The following PIEZO2 variants were observed in gnomAD, a reference collection of about 807,000 sequenced individuals.
The protein encoded by PIEZO2 is piezo type mechanosensitive ion channel component 2, also known as piezo-type mechanosensitive ion channel component 2.
PIEZO2 carries 172 observed loss-of-function variants against 337.3 expected under a neutral mutation model. The observed-to-expected ratio is 0.51, with a 90% CI of 0.45 to 0.58. The LOEUF (loss-of-function observed/expected upper bound fraction) is 0.58, where lower values mean the gene tolerates loss of function less well. Among genes scored for constraint, PIEZO2 ranks in the 20% least tolerant of loss-of-function variants. The pLI, the probability that PIEZO2 is intolerant of heterozygous loss-of-function variation, is 0.00. For synonymous variants in PIEZO2, 1,251 were observed against 1,228.5 expected (o/e 1.02, Z -0.38); for missense variants, 3,028 against 3,391.3 (o/e 0.89, Z 2.66).
chr18:11,095,191 A>AT (rs1230260244), intron 1 of PIEZO2, among the ~76,000 whole-genome samples: 2 of 152,360 alleles, frequency 1.3e-5, no homozygotes, highest in East Asian at 3.9e-4. Flanking sequence ...GACCATTCTT[A>AT]TTCCATTGAT....
intron 1 of PIEZO2, among the ~76,000 whole-genome samples, chr18:11,140,610 T>C (rs911218614): frequency 6.6e-6 from 1 of 152,164 alleles, no homozygotes; most frequent in Admixed American, 6.5e-5. Flanking sequence ...GAAACAAAGA[T>C]GGGTGTTAGT....
At chr18:10,827,930 T>A (rs1447749827) in intron 7 of PIEZO2, among the ~76,000 whole-genome samples, 1 of 152,176 alleles carries the variant, frequency 6.6e-6, no homozygotes, top group African/African-American at 2.4e-5. Flanking sequence ...GAAAATTAAT[T>A]TATGGTAAAA....
intron 13 of PIEZO2, among the ~76,000 whole-genome samples, chr18:10,793,924 C>T (rs1209182809): frequency 6.6e-6 from 1 of 152,154 alleles, no homozygotes; most frequent in African/African-American, 2.4e-5. Context: ...TTGCCCTAGT[C>T]TACTCTACCC....
chr18:11,147,690 C>T (rs975599375), intron 1 of PIEZO2, among the ~76,000 whole-genome samples: 6 of 152,240 alleles, frequency 3.9e-5, no homozygotes, highest in African/African-American at 1.4e-4. Flanking sequence ...GTCACAGGCA[C>T]TGCCTGTTTG....
At chr18:11,114,503 TA>T (rs753339903) in intron 1 of PIEZO2, among the ~76,000 whole-genome samples, 4 of 152,064 alleles carry the variant, frequency 2.6e-5, no homozygotes, top group Non-Finnish European at 5.9e-5. Context: ...TCATCTCTAC[TA>T]AAAATACAAA....
In PIEZO2 at chr18:10,946,984, TA is replaced by T. The variant is rs1227142783; in HGVS notation, c.286+32550del. On this transcript the variant is annotated intron_variant, in intron 3 of 55. Transcript: ENST00000674853. Reference sequence around the variant, plus strand: ...CAATTATGAATTATCTTAAAACAAATAAAAAATGGAAAATTTTAATACAAAA... The same window carrying T: ...CAATTATGAATTATCTTAAAACAAATAAAAATGGAAAATTTTAATACAAAA... Among the ~76,000 whole-genome samples the T allele has an allele frequency of 5.3e-5, 8 of 151,438 alleles. No individual in the cohort carries two copies. In the South Asian group the frequency reaches 8.3e-4, roughly 16 times the overall value.
Position 10,757,951 on chromosome 18 carries a change from A to C in PIEZO2, c.3923+18T>G. 1 of 1,525,520 alleles carries C rather than the reference A, an allele frequency of 6.6e-7. No homozygotes were observed. The highest frequency in any genetic ancestry group is 8.8e-7 in the Non-Finnish European group (1 of 1,140,964). The allele number at this position is 1,525,520 out of a possible 1,614,324, so 94.5% of individuals were successfully genotyped here. ...CACACATCAAAGTGGCTTTTAGCAA[A>C]TGTGAAGCTCTTGTTACCTGCAGTG... On this transcript the variant is annotated intron_variant, in intron 27 of 55. Coordinates refer to ENST00000674853, the MANE Select transcript of PIEZO2 (RefSeq NM_001378183.1).
chr18:10,762,844 G>T, intron 22 of PIEZO2, 78 bp downstream of exon 22: 1 of 1,459,234 alleles, frequency 6.9e-7, no homozygotes, highest in Non-Finnish European at 9.1e-7. Flanking sequence ...AAATGTGCTT[G>T]GGGATGGGGG....
At position 10,752,643 on chromosome 18, in the gene PIEZO2, A is replaced by C; in HGVS notation, c.4160T>G (p.Ile1387Ser). The C allele has an allele frequency of 6.5e-7, 1 of 1,537,178 alleles. No individual in the cohort carries two copies. ...YNVFVITMKNILSIGACGYIG... is the reference protein window; with the variant it reads ...YNVFVITMKNSLSIGACGYIG... ...GCAGTGGCAACCACTTACTGACAGG[A>C]TATTTTTCATCGTAATCACAAAAAC... The change falls in exon 28 of 56, where the codon ATC (isoleucine) becomes AGC (serine). Residue 1387 changes from isoleucine to serine, a missense_variant. By Grantham distance (142) the Ile-to-Ser change is moderately radical (BLOSUM62 -2). Transcript: ENST00000674853.
At chr18:10,796,323 T>C (rs1440711312) in intron 12 of PIEZO2, among the ~76,000 whole-genome samples, 2 of 151,236 alleles carry the variant, frequency 1.3e-5, no homozygotes, top group Non-Finnish European at 2.9e-5. Context: ...TGAGCTGAGA[T>C]TGTGCCACTT....
intron 2 of PIEZO2, among the ~76,000 whole-genome samples, chr18:11,024,867 G>T (rs956520202): frequency 6.6e-6 from 1 of 151,696 alleles, no homozygotes; most frequent in Non-Finnish European, 1.5e-5. Flanking sequence ...TCGAACTCCT[G>T]ATCTTAGGTG....
chr18:11,017,786 A>C (rs1162491364), intron 2 of PIEZO2, among the ~76,000 whole-genome samples: 1 of 152,154 alleles, frequency 6.6e-6, no homozygotes, highest in African/African-American at 2.4e-5. Flanking sequence ...TCTTGATCTA[A>C]GTGCTTAGGC....
chr18:10,725,307 A>G, intron 36 of PIEZO2: 2 of 1,587,570 alleles, frequency 1.3e-6, no homozygotes, highest in South Asian at 1.1e-5. Context: ...AATACAGCAG[A>G]AGGAGGGCTG....
chr18:10,808,770 T>C (rs2040079879), intron 7 of PIEZO2, among the ~76,000 whole-genome samples: 1 of 152,208 alleles, frequency 6.6e-6, no homozygotes, highest in Non-Finnish European at 1.5e-5. Flanking sequence ...TTTGCAGCCC[T>C]AGATTAAAAT....
chr18:10,682,575 G>A lies in PIEZO2; in HGVS notation c.7498-283C>T, dbSNP rs2034314036. Among the ~76,000 whole-genome samples, 1 of 152,144 alleles carries A rather than the reference G, an allele frequency of 6.6e-6. No individual in the cohort carries two copies. Among genetic ancestry groups the A allele is most frequent in the Non-Finnish European group, 1.5e-5 (1 of 68,026 alleles). ...CCTTCTCCCTTCAAGACTGTGGGTGGGTTTTCCTGGTGATGAACTCCTGGA... is the reference window on the plus strand; with the variant it reads ...CCTTCTCCCTTCAAGACTGTGGGTGAGTTTTCCTGGTGATGAACTCCTGGA... On this transcript the variant is annotated intron_variant, in intron 49 of 55. Coordinates refer to ENST00000674853, the MANE Select transcript of PIEZO2 (RefSeq NM_001378183.1). This position sits in a 1 kb window ranked among gnomAD's most constrained non-coding sequence, Gnocchi z 5.6.
Position 10,748,567 on chromosome 18 carries a change from CAT to C in PIEZO2, c.4326_4327del (p.Ile1442MetfsTer23). The C allele has an allele frequency of 6.5e-7, 1 of 1,535,564 alleles. No individual in the cohort carries two copies. On this transcript the variant is annotated frameshift_variant, in exon 30 of 56. Transcript: ENST00000674853. LOFTEE classifies it high-confidence loss of function. The surrounding 1 kb of genome is among the most constrained non-coding windows in gnomAD (Gnocchi z 5.1). ...TCTTTGCAGCAGGAGGAAGGCAAAA[CAT>C]ATGCTGTCCCAAATGATTCCTGCTT... is the stretch of plus-strand genomic sequence containing the variant.
rs547416901 is a variant in PIEZO2 at position 11,096,167 on chromosome 18, G to T, written c.65-29945C>A. On this transcript the variant is annotated intron_variant, in intron 1 of 55. Coordinates refer to ENST00000674853, the MANE Select transcript of PIEZO2 (RefSeq NM_001378183.1). This position sits in a 1 kb window ranked among gnomAD's most constrained non-coding sequence, Gnocchi z 4.6. Reference sequence around the variant, plus strand: ...TGTTGCCCAAGGTGGCTGAGACACCGCCAGCCTGGCTGTGGGGTGTGGCCA... The same window carrying T: ...TGTTGCCCAAGGTGGCTGAGACACCTCCAGCCTGGCTGTGGGGTGTGGCCA... Among the ~76,000 whole-genome samples the T allele has an allele frequency of 2.6e-5, 4 of 152,310 alleles. No homozygotes were observed. In the East Asian group the frequency reaches 7.7e-4, roughly 29 times the overall value.
intron 1 of PIEZO2, among the ~76,000 whole-genome samples, chr18:11,123,891 G>T (rs891285713): frequency 1.3e-5 from 2 of 151,824 alleles, no homozygotes; most frequent in African/African-American, 4.8e-5. Context: ...GATAAACTAA[G>T]ATTGCTGAAA....
In PIEZO2 at chr18:10,746,568, G is replaced by A. The variant is rs1296089559; in HGVS notation, c.4424+1903C>T. Among the ~76,000 whole-genome samples, 4 of 152,152 alleles carry A rather than the reference G, an allele frequency of 2.6e-5. No individual in the cohort carries two copies. Among genetic ancestry groups the A allele is most frequent in the African/African-American group, 4.8e-5 (2 of 41,414 alleles). Reference sequence around the variant, plus strand: ...GTCTCCTACCATCACACCTGCTGTCGTCTGAATGTCTGCATCCCCTACAAT... The same window carrying A: ...GTCTCCTACCATCACACCTGCTGTCATCTGAATGTCTGCATCCCCTACAAT... On this transcript the variant is annotated intron_variant, in intron 30 of 55. Transcript: ENST00000674853. The surrounding 1 kb of genome is among the most constrained non-coding windows in gnomAD (Gnocchi z 4.2).
Sources: allele counts gnomAD v4.1 joint callset (sites outside exome capture counted in the v4.1 genomes callset), GRCh38; gene constraint gnomAD v4.1.1; non-coding constraint Gnocchi (gnomAD v3.1); transcripts MANE v1.5; gene names NCBI Gene and HGNC (gene_info 2026-07-23, HGNC 2026-07-21).